Variants in SMOC2 observed in about 807,000 individuals in gnomAD.
SMOC2 encodes SPARC related modular calcium binding 2.
A neutral mutation model predicts 61.4 loss-of-function variants in SMOC2; 39 were observed. The observed-to-expected ratio is 0.64, with a 90% CI of 0.49 to 0.83. The LOEUF (loss-of-function observed/expected upper bound fraction) is 0.83. Among genes scored for constraint, SMOC2 ranks in the 40% least tolerant of loss-of-function variants. SMOC2 has a pLI of 0.00. For synonymous variants in SMOC2, 247 were observed against 239.9 expected, an observed-to-expected ratio of 1.03 and a Z score of -0.27; for missense variants, 556 against 592.9, an observed-to-expected ratio of 0.94 and a Z score of 0.65.
chr6:168,441,211 G>A lies in SMOC2; in HGVS notation c.-160G>A. On this transcript the variant is annotated 5_prime_UTR_variant, in exon 1 of 13. Coordinates refer to ENST00000356284, the MANE Select transcript of SMOC2 (RefSeq NM_001166412.2). ...CGCGGAGGACCTCTGGGTGCCTGCA[G>A]GGGAGCTGCTCCAGCCGGGCCGCCG... The A allele has an allele frequency of 8.8e-7, 1 of 1,138,514 alleles. No individual in the cohort carries two copies. 70.5% of individuals were successfully genotyped at this position (1,138,514 alleles called of 1,614,324 possible). A position where few individuals can be genotyped will look rare whatever the true frequency, so the allele number is the denominator to read the frequency against.
At chr6:168,598,299 G>A (rs1020684821) in intron 7 of SMOC2, among the ~76,000 whole-genome samples, 3 of 152,238 alleles carry the variant, frequency 2.0e-5, no homozygotes, top group Non-Finnish European at 1.5e-5. Flanking sequence ...GGGGGTGGGG[G>A]ATGGACGATG....
At chr6:168,502,012 A>T (rs1187373597) in intron 1 of SMOC2, among the ~76,000 whole-genome samples, 1 of 152,038 alleles carries the variant, frequency 6.6e-6, no homozygotes, top group African/African-American at 2.4e-5. Context: ...TCCTGAAGAA[A>T]CCTGCTCTCT....
rs561359671 is a variant in SMOC2 at position 168,610,824 on chromosome 6, C to T, written c.907+2585C>T. Among the ~76,000 whole-genome samples the T allele has an allele frequency of 3.3e-5, 5 of 152,328 alleles. 1 individual carries two copies. The highest frequency in any genetic ancestry group is 1.2e-4 in the African/African-American group (5 of 41,564). On this transcript the variant is annotated intron_variant, in intron 9 of 12. Transcript: ENST00000356284. ...AGGGGCTACATAGTGACGACTGGGT[C>T]ACCGTTTTGGCTTTTGAAGGTTCTT...
intron 1 of SMOC2, among the ~76,000 whole-genome samples, chr6:168,478,838 CA>C: frequency 6.6e-6 from 1 of 151,864 alleles, no homozygotes; most frequent in Non-Finnish European, 1.5e-5. Flanking sequence ...TGGTCTAGAA[CA>C]GCCCTGGTTT....
intron 1 of SMOC2, among the ~76,000 whole-genome samples, chr6:168,450,017 C>G (rs757116482): frequency 2.6e-5 from 4 of 151,880 alleles, no homozygotes; most frequent in Non-Finnish European, 5.9e-5. Flanking sequence ...GTCATTGCTG[C>G]TTCCTTGAGA....
At position 168,608,252 on chromosome 6, in the gene SMOC2, C is replaced by T. The variant is rs771087252; in HGVS notation, c.907+13C>T. ...CGCCAGCTACAAGGTGAGCAGCACC[C>T]GCGAGTGTGGCCCGAATCCACAGGC... On this transcript the variant is annotated intron_variant, in intron 9 of 12. Transcript: ENST00000356284. 5.0e-5 allele frequency: 80 copies of T among 1,609,140 alleles called. No homozygotes were observed. The highest frequency in any genetic ancestry group is 3.9e-4 in the South Asian group (35 of 90,144).
intron 1 of SMOC2, among the ~76,000 whole-genome samples, chr6:168,459,358 G>A (rs1369320997): frequency 1.3e-5 from 2 of 152,172 alleles, no homozygotes; most frequent in African/African-American, 4.8e-5. Context: ...TCGGCAGGAA[G>A]CGTGACATTG....
intron 1 of SMOC2, among the ~76,000 whole-genome samples, chr6:168,505,042 C>T (rs79304778): frequency 0.016 from 2,373 of 146,738 alleles, 134 homozygotes; most frequent in East Asian, 0.13. Context: ...TCTCAGATAC[C>T]GGATGAATGA....
At chr6:168,662,910 T>G (rs1259284606) in intron 11 of SMOC2, among the ~76,000 whole-genome samples, 1 of 152,198 alleles carries the variant, frequency 6.6e-6, no homozygotes, top group Non-Finnish European at 1.5e-5. Context: ...GTCCTGAGGA[T>G]GGAATACGTC....
chr6:168,606,414 T>G (rs1330099904), intron 8 of SMOC2, among the ~76,000 whole-genome samples: 1 of 152,170 alleles, frequency 6.6e-6, no homozygotes, highest in Non-Finnish European at 1.5e-5. Flanking sequence ...GGTGGCAGGT[T>G]TTCTGGTATC....
At chr6:168,546,978 C>A in intron 5 of SMOC2, 141 bp from the exon 6 acceptor site, 2 of 933,396 alleles carry the variant, frequency 2.1e-6, no homozygotes, top group Non-Finnish European at 3.5e-6. Flanking sequence ...GGCAGCATCG[C>A]GTTGGGTCTG....
chr6:168,664,779 G>C (rs1412222294), intron 12 of SMOC2: 1 of 470,986 alleles, frequency 2.1e-6, no homozygotes, highest in African/African-American at 2.0e-5. Context: ...ACAACCCATC[G>C]CAAGTCAAGA....
chr6:168,536,109 C>T (rs530257119), intron 4 of SMOC2, among the ~76,000 whole-genome samples: 1 of 152,334 alleles, frequency 6.6e-6, no homozygotes, highest in African/African-American at 2.4e-5. Flanking sequence ...CCAAAGTTTG[C>T]TTTCTGCCGA....
At chr6:168,471,869 A>T (rs1169955264) in intron 1 of SMOC2, among the ~76,000 whole-genome samples, 1 of 152,122 alleles carries the variant, frequency 6.6e-6, no homozygotes. Context: ...TTCTTATTCA[A>T]GTCCTGTGCC....
At position 168,560,494 on chromosome 6, in the gene SMOC2, G is replaced by C. The variant is rs13196959; in HGVS notation, c.637+11291G>C. Reference sequence around the variant, plus strand: ...TGCGTCCTCTGTGCCCACCTTTCTGGCCCTGAGATGTGAGGCTCTCACTGC... The same window carrying C: ...TGCGTCCTCTGTGCCCACCTTTCTGCCCCTGAGATGTGAGGCTCTCACTGC... On this transcript the variant is annotated intron_variant, in intron 7 of 12. Coordinates refer to ENST00000356284, the MANE Select transcript of SMOC2 (RefSeq NM_001166412.2). 1.3e-5 allele frequency among the ~76,000 whole-genome samples: 2 copies of C among 149,514 alleles called. 1 individual carries two copies. Among genetic ancestry groups the C allele is most frequent in the Non-Finnish European group, 3.0e-5 (2 of 66,948 alleles).
At chr6:168,480,969 C>G (rs1353516999) in intron 1 of SMOC2, among the ~76,000 whole-genome samples, 1 of 152,088 alleles carries the variant, frequency 6.6e-6, no homozygotes, top group Admixed American at 6.6e-5. Flanking sequence ...AACTGAGAAC[C>G]CTATCTCCAG....
At chr6:168,518,621 CTGAG>C (rs71717328) in intron 2 of SMOC2, among the ~76,000 whole-genome samples, 75,602 of 149,464 alleles carry the variant, frequency 0.51, 22,025 homozygotes, top group Non-Finnish European at 0.67. Flanking sequence ...GCATGTATGA[CTGAG>C]TGCATGTGTG....
chr6:168,601,533 G>C (rs1456470334), intron 8 of SMOC2, among the ~76,000 whole-genome samples: 1 of 152,182 alleles, frequency 6.6e-6, no homozygotes, highest in African/African-American at 2.4e-5. Flanking sequence ...TAGGTATAGA[G>C]GGAGTACTGT....
chr6:168,564,755 C>T (rs149001539), intron 7 of SMOC2, among the ~76,000 whole-genome samples: 5 of 152,200 alleles, frequency 3.3e-5, no homozygotes, highest in Non-Finnish European at 5.9e-5. Flanking sequence ...AAGCCCATGA[C>T]AGGAGGCTGA....
Sources: allele counts gnomAD v4.1 joint callset (sites outside exome capture counted in the v4.1 genomes callset), GRCh38; gene constraint gnomAD v4.1.1; transcripts MANE v1.5; gene names NCBI Gene and HGNC (gene_info 2026-07-23, HGNC 2026-07-21).